LIN9: variants seen among roughly 807,000 people sequenced by gnomAD.
LIN9 encodes the protein protein lin-9 homolog.
A neutral mutation model predicts 78.0 loss-of-function variants in LIN9; 18 were observed. The ratio of observed to expected loss-of-function variants is 0.23; its 90% CI spans 0.16 to 0.34. The LOEUF (loss-of-function observed/expected upper bound fraction) is 0.34, where lower values mean the gene tolerates loss of function less well. Among genes scored for constraint, LIN9 ranks in the 10% least tolerant of loss-of-function variants. The pLI, the probability that LIN9 is intolerant of heterozygous loss-of-function variation, is 1.00. For synonymous variants in LIN9, 192 were observed against 215.2 expected (o/e 0.89, Z 0.94); for missense variants, 451 against 644.1 (o/e 0.70, Z 3.25).
At chr1:226,262,882 C>T (rs951973301) in intron 10 of LIN9, among the ~76,000 whole-genome samples, 1 of 152,132 alleles carries the variant, frequency 6.6e-6, no homozygotes, top group African/African-American at 2.4e-5. Context: ...TTGAAAGCAA[C>T]CAAGATGTCT....
At chr1:226,275,807 G>A (rs1001754318) in intron 7 of LIN9, among the ~76,000 whole-genome samples, 1 of 152,116 alleles carries the variant, frequency 6.6e-6, no homozygotes, top group Admixed American at 6.6e-5. Flanking sequence ...GATCACTTGA[G>A]GTTGGGAGTT....
At chr1:226,261,139 A>T (rs77320725) in intron 10 of LIN9, among the ~76,000 whole-genome samples, 30 of 107,388 alleles carry the variant, frequency 2.8e-4, no homozygotes, top group South Asian at 5.1e-4. Flanking sequence ...TCAACCTGAT[A>T]AAAAAAAAAA....
At chr1:226,304,642 TGA>T in intron 1 of LIN9, among the ~76,000 whole-genome samples, 1 of 152,146 alleles carries the variant, frequency 6.6e-6, no homozygotes, top group East Asian at 1.9e-4. Flanking sequence ...AAACTAGCTG[TGA>T]GAGAGCAGGA....
chr1:226,306,112 G>T (rs1229030152), intron 1 of LIN9, among the ~76,000 whole-genome samples: 1 of 151,926 alleles, frequency 6.6e-6, no homozygotes, highest in Non-Finnish European at 1.5e-5. Flanking sequence ...ATCACCTGAG[G>T]TCAGGAGTTT....
At chr1:226,309,446 T>A (rs931521810), upstream of LIN9, 24 of 1,078,884 alleles carry the variant, frequency 2.2e-5, no homozygotes, top group Non-Finnish European at 2.7e-5. Context: ...CAGTACCAGC[T>A]CCGGAGTCCC....
intron 1 of LIN9, among the ~76,000 whole-genome samples, chr1:226,303,573 AC>A (rs1257202514): frequency 6.6e-6 from 1 of 151,704 alleles, no homozygotes; most frequent in Non-Finnish European, 1.5e-5. Context: ...CTGACCAATC[AC>A]CTTTAACCTT....
intron 3 of LIN9, 80 bp downstream of exon 3, chr1:226,297,639 C>T: frequency 2.1e-6 from 2 of 951,548 alleles, no homozygotes; most frequent in Non-Finnish European, 3.1e-6. Flanking sequence ...TTTTACTGTG[C>T]TGCAAGAATT....
chr1:226,244,536 C>A (rs1658337580), intron 11 of LIN9, among the ~76,000 whole-genome samples: 1 of 152,148 alleles, frequency 6.6e-6, no homozygotes, highest in East Asian at 1.9e-4. Context: ...CTAATACATT[C>A]TGATAAAAAA....
At chr1:226,292,676 G>C (rs1297160120) in intron 4 of LIN9, among the ~76,000 whole-genome samples, 1 of 152,108 alleles carries the variant, frequency 6.6e-6, no homozygotes, top group African/African-American at 2.4e-5. Flanking sequence ...GCCCAAGCTG[G>C]TCTCAAACTC....
At chr1:226,258,988 T>G (rs1422590154) in intron 10 of LIN9, among the ~76,000 whole-genome samples, 2 of 149,708 alleles carry the variant, frequency 1.3e-5, no homozygotes, top group African/African-American at 4.9e-5. Flanking sequence ...TTTTTTTTTT[T>G]GAGACAGAGT....
intron 11 of LIN9, among the ~76,000 whole-genome samples, chr1:226,241,741 C>G (rs1658127678): frequency 6.6e-6 from 1 of 152,046 alleles, no homozygotes; most frequent in South Asian, 2.1e-4. Context: ...GCCTGCAGTC[C>G]CAGCTACTCG....
intron 11 of LIN9, among the ~76,000 whole-genome samples, chr1:226,248,436 G>A (rs925441538): frequency 6.6e-6 from 1 of 152,014 alleles, no homozygotes; most frequent in African/African-American, 2.4e-5. Context: ...CATATTCTAT[G>A]TGCAATTATA....
Position 226,258,972 on chromosome 1 carries a change from AT to A in LIN9, c.1038+6560del, listed in dbSNP as rs377676108. On this transcript the variant is annotated intron_variant, in intron 10 of 14. Transcript: ENST00000681046. ...GTCAATGTTCCAAGAAGACATAATA[AT>A]TTTTTTTTTTTTTTTGAGACAGAGT... Among the ~76,000 whole-genome samples, 444 of 122,106 alleles carry A rather than the reference AT, an allele frequency of 3.6e-3. 1 individual carries two copies. Among genetic ancestry groups the A allele is most frequent in the African/African-American group, 0.011 (352 of 33,346 alleles). The allele number at this position is 122,106 out of a possible 152,430, so 80.1% of individuals were successfully genotyped here. A position where few individuals can be genotyped will look rare whatever the true frequency, so the allele number is the denominator to read the frequency against.
rs1657489001 is a variant in LIN9, at chr1:226,233,577, T to A, written c.1246-54A>T. ...GCATGTTCGAGAAGCCATGATTATTTCTGTATGTGTTTGTGCCCTCTTTTC... is the reference window on the plus strand; with the variant it reads ...GCATGTTCGAGAAGCCATGATTATTACTGTATGTGTTTGTGCCCTCTTTTC... On this transcript the variant is annotated intron_variant, in intron 12 of 14. Transcript: ENST00000681046. The A allele has an allele frequency of 7.9e-6, 11 of 1,395,632 alleles. No homozygotes were observed. In the South Asian group the frequency reaches 1.5e-4, roughly 20 times the overall value. The allele number at this position is 1,395,632 out of a possible 1,614,324, so 86.5% of individuals were successfully genotyped here.
chr1:226,273,873 T>C (rs898228663), intron 7 of LIN9, among the ~76,000 whole-genome samples: 27 of 150,692 alleles, frequency 1.8e-4, no homozygotes, highest in African/African-American at 5.9e-4. Flanking sequence ...AGTCTCACTC[T>C]GTCACCCAGG....
intron 12 of LIN9, among the ~76,000 whole-genome samples, chr1:226,235,246 C>T (rs954110814): frequency 1.4e-5 from 2 of 143,380 alleles, no homozygotes; most frequent in African/African-American, 5.1e-5. Flanking sequence ...CGCTTGAACC[C>T]CGGAGGCAGA....
chr1:226,243,484 C>G (rs141186863), intron 11 of LIN9, among the ~76,000 whole-genome samples: 3,558 of 152,210 alleles, frequency 0.023, 131 homozygotes, highest in African/African-American at 0.078. Flanking sequence ...CACTTGAGGT[C>G]AGGAGTTCGA....
intron 2 of LIN9, 44 bp from the exon 3 acceptor site, chr1:226,297,857 A>C (rs761675663): frequency 8.7e-7 from 1 of 1,143,904 alleles, no homozygotes; most frequent in Non-Finnish European, 1.2e-6. Flanking sequence ...GCTTAGTTCA[A>C]AGGATTTCAT....
chr1:226,283,508 T>G (rs191388840), intron 6 of LIN9, among the ~76,000 whole-genome samples: 7 of 152,168 alleles, frequency 4.6e-5, no homozygotes, highest in Non-Finnish European at 8.8e-5. Context: ...AGTAGGGAAT[T>G]AGCTCTCTGT....
Sources: allele counts gnomAD v4.1 joint callset (sites outside exome capture counted in the v4.1 genomes callset), GRCh38; gene constraint gnomAD v4.1.1; transcripts MANE v1.5; gene names NCBI Gene and HGNC (gene_info 2026-07-23, HGNC 2026-07-21).